SMIM13: variants seen among roughly 807,000 people sequenced by gnomAD.
The protein encoded by SMIM13 is small integral membrane protein 13.
A neutral mutation model predicts 5.9 loss-of-function variants in SMIM13; 3 were observed. That is an observed-to-expected ratio of 0.51 (90% CI 0.23 to 1.31). The LOEUF (loss-of-function observed/expected upper bound fraction) is 1.31. SMIM13 is among the 40% of genes most tolerant of loss of function. SMIM13 has a pLI of 0.18. For synonymous variants in SMIM13, 55 were observed against 46.0 expected, an observed-to-expected ratio of 1.19 and a Z score of -0.79; for missense variants, 85 against 109.9, an observed-to-expected ratio of 0.77 and a Z score of 1.01.
intron 1 of SMIM13, among the ~76,000 whole-genome samples, chr6:11,107,743 C>T (rs533760305): frequency 9.0e-4 from 137 of 152,280 alleles, no homozygotes; most frequent in Non-Finnish European, 1.5e-3. Flanking sequence ...TTCTCAGGTC[C>T]TGGACTAGCC....
intron 1 of SMIM13, among the ~76,000 whole-genome samples, chr6:11,124,484 C>T (rs1414253945): frequency 1.3e-5 from 2 of 152,050 alleles, no homozygotes; most frequent in African/African-American, 2.4e-5. Flanking sequence ...TTCAGTATAT[C>T]GATTTCCTTT....
At chr6:11,102,743 A>G (rs1040961783) in intron 1 of SMIM13, 1 of 152,222 alleles carries the variant, frequency 6.6e-6, no homozygotes, top group African/African-American at 2.4e-5. Flanking sequence ...TGGAACCTAA[A>G]TGGTGGAACT....
intron 1 of SMIM13, chr6:11,103,482 T>C: frequency 1.5e-6 from 1 of 657,220 alleles, no homozygotes; most frequent in South Asian, 3.4e-5. Context: ...GACCCAATTA[T>C]CTGGGAAAAT....
chr6:11,132,281 G>A (rs1040119881), intron 1 of SMIM13, among the ~76,000 whole-genome samples: 9 of 152,154 alleles, frequency 5.9e-5, no homozygotes, highest in Non-Finnish European at 8.8e-5. Flanking sequence ...AAGTGTTGGC[G>A]AGGATGTAGA....
chr6:11,117,925 G>A (rs6904609), intron 1 of SMIM13, among the ~76,000 whole-genome samples: 28,488 of 152,044 alleles, frequency 0.19, 3,004 homozygotes, highest in African/African-American at 0.29. Context: ...CAATAGAGAT[G>A]GAGTTTCACC....
At chr6:11,110,709 C>G (rs1437440655) in intron 1 of SMIM13, among the ~76,000 whole-genome samples, 4 of 152,148 alleles carry the variant, frequency 2.6e-5, no homozygotes, top group African/African-American at 9.7e-5. Flanking sequence ...TCATGGAAAG[C>G]CTTCATATGT....
rs146027642 is a variant in SMIM13, at chr6:11,128,323, TA to T, written c.77-6079del. 4.3e-4 allele frequency among the ~76,000 whole-genome samples: 66 copies of T among 152,228 alleles called. 1 individual carries two copies. The East Asian group carries it at 0.012, about 29-fold the overall frequency. On this transcript the variant is annotated intron_variant, in intron 1 of 1. Transcript: ENST00000416247. ...GTATCTGGAAATGTCAGCTGGGAGC[TA>T]GGGCCTGGAATGGCAACCTCATGAC... is the stretch of plus-strand genomic sequence containing the variant.
intron 1 of SMIM13, among the ~76,000 whole-genome samples, chr6:11,130,264 A>C (rs59408373): frequency 0.23 from 31,255 of 136,154 alleles, 3,668 homozygotes; most frequent in East Asian, 0.42. Flanking sequence ...AAAAAAAAAA[A>C]AAAAACAACA....
chr6:11,119,326 T>C (rs1171445777), intron 1 of SMIM13, among the ~76,000 whole-genome samples: 1 of 152,044 alleles, frequency 6.6e-6, no homozygotes, highest in Non-Finnish European at 1.5e-5. Context: ...AAATTCCCTC[T>C]TGAGGTTCAG....
chr6:11,095,346 A>G (rs1482725806), intron 1 of SMIM13, among the ~76,000 whole-genome samples: 1 of 152,134 alleles, frequency 6.6e-6, no homozygotes, highest in Non-Finnish European at 1.5e-5. Context: ...TTATATGTTT[A>G]TTTTATTTTT....
intron 1 of SMIM13, among the ~76,000 whole-genome samples, chr6:11,096,550 G>A (rs374989755): frequency 3.3e-4 from 51 of 152,260 alleles, no homozygotes; most frequent in African/African-American, 1.2e-3. Context: ...AGGATGGGGC[G>A]GGAACTTGGG....
chr6:11,111,066 G>A (rs533468015), intron 1 of SMIM13, among the ~76,000 whole-genome samples: 3 of 152,320 alleles, frequency 2.0e-5, no homozygotes, highest in African/African-American at 7.2e-5. Context: ...GACAGGGAAA[G>A]GGTTGGAGGT....
chr6:11,105,487 T>C (rs1176897923), intron 1 of SMIM13: 2 of 589,950 alleles, frequency 3.4e-6, no homozygotes, highest in South Asian at 4.6e-5. Flanking sequence ...TCTTTTTGTT[T>C]AAAGAGGAAT....
At chr6:11,103,628 C>G in intron 1 of SMIM13, 1 of 1,476,994 alleles carries the variant, frequency 6.8e-7, no homozygotes, top group Non-Finnish European at 9.0e-7. Flanking sequence ...CCAGCCAGGT[C>G]CACGGGAGAC....
chr6:11,100,956 CTTCAG>C (rs1757983441), intron 1 of SMIM13, among the ~76,000 whole-genome samples: 1 of 150,204 alleles, frequency 6.7e-6, no homozygotes, highest in Middle Eastern at 3.2e-3. Flanking sequence ...TTCTAGGTCC[CTTCAG>C]TTCAGATTTT....
intron 1 of SMIM13, among the ~76,000 whole-genome samples, chr6:11,118,061 G>A (rs1191024790): frequency 6.6e-6 from 1 of 152,108 alleles, no homozygotes; most frequent in East Asian, 1.9e-4. Flanking sequence ...AGTAGAGATG[G>A]GGTTTCGCCA....
At chr6:11,116,398 A>C (rs1181724546) in intron 1 of SMIM13, among the ~76,000 whole-genome samples, 1 of 152,234 alleles carries the variant, frequency 6.6e-6, no homozygotes, top group African/African-American at 2.4e-5. Context: ...AAGATTACAC[A>C]AAGGATTGAC....
chr6:11,110,457 TAAG>T (rs1469951935), intron 1 of SMIM13, among the ~76,000 whole-genome samples: 1 of 152,212 alleles, frequency 6.6e-6, no homozygotes. Context: ...CCATGTTCTT[TAAG>T]AAGACGAGAA....
intron 1 of SMIM13, among the ~76,000 whole-genome samples, chr6:11,101,303 G>A (rs1053381982): frequency 2.0e-5 from 3 of 152,160 alleles, no homozygotes; most frequent in South Asian, 2.1e-4. Context: ...TAGCGTTGCC[G>A]CTTGCTAGCT....
Sources: allele counts gnomAD v4.1 joint callset (sites outside exome capture counted in the v4.1 genomes callset), GRCh38; gene constraint gnomAD v4.1.1; transcripts MANE v1.5; gene names NCBI Gene and HGNC (gene_info 2026-07-23, HGNC 2026-07-21).